TMEM273: variants seen among roughly 807,000 people sequenced by gnomAD.
The protein encoded by TMEM273 is chromosome 10 open reading frame 128.
In TMEM273, 19 loss-of-function variants were observed where a neutral mutation model predicts 17.9. The observed-to-expected ratio is 1.06, with a 90% CI of 0.74 to 1.55. TMEM273 has a LOEUF of 1.55. Among genes scored for constraint, TMEM273 ranks in the 40% most tolerant of loss-of-function variants. The pLI is 0.00. For synonymous variants in TMEM273, 66 were observed against 62.0 expected, an observed-to-expected ratio of 1.07 and a Z score of -0.31; for missense variants, 194 against 155.6, an observed-to-expected ratio of 1.25 and a Z score of -1.31.
At chr10:49,177,620 A>G (rs1469613990) in intron 1 of TMEM273, among the ~76,000 whole-genome samples, 1 of 152,180 alleles carries the variant, frequency 6.6e-6, no homozygotes. Context: ...GGCTCCGAGG[A>G]AGAGTCTCAC....
intron 5 of TMEM273, 43 bp downstream of exon 5, chr10:49,165,162 C>A: frequency 6.6e-7 from 1 of 1,513,286 alleles, no homozygotes; most frequent in South Asian, 1.3e-5. Flanking sequence ...TAAAGCCAAG[C>A]AAAGAGAAGA....
chr10:49,180,304 C>G (rs916855632), intron 1 of TMEM273, among the ~76,000 whole-genome samples: 1 of 152,176 alleles, frequency 6.6e-6, no homozygotes, highest in Non-Finnish European at 1.5e-5. Flanking sequence ...GAAGCCCACC[C>G]AAGCCCGAGG....
chr10:49,173,789 A>T (rs1339447800), intron 1 of TMEM273, among the ~76,000 whole-genome samples: 1 of 152,192 alleles, frequency 6.6e-6, no homozygotes, highest in Non-Finnish European at 1.5e-5. Flanking sequence ...TGGCTTGAAG[A>T]GATAAGATCT....
intron 6 of TMEM273, chr10:49,161,361 T>G: frequency 1.7e-6 from 1 of 590,648 alleles, no homozygotes; most frequent in Non-Finnish European, 3.0e-6. Context: ...TTTTCTCAGC[T>G]CTAACTGGGC....
intron 1 of TMEM273, among the ~76,000 whole-genome samples, chr10:49,174,737 GC>G (rs1388900259): frequency 6.6e-6 from 1 of 152,138 alleles, no homozygotes; most frequent in Non-Finnish European, 1.5e-5. Flanking sequence ...GACTCTGGGA[GC>G]TTTTAGACAA....
intron 1 of TMEM273, among the ~76,000 whole-genome samples, chr10:49,168,704 G>GGGA (rs1846358507): frequency 1.5e-5 from 2 of 133,936 alleles, no homozygotes; most frequent in Non-Finnish European, 3.2e-5. Flanking sequence ...GAGGGAGGGA[G>GGGA]GGAGGGAGGG....
At chr10:49,166,217 C>G (rs1252962427) in intron 3 of TMEM273, among the ~76,000 whole-genome samples, 1 of 152,150 alleles carries the variant, frequency 6.6e-6, no homozygotes, top group East Asian at 1.9e-4. Flanking sequence ...GAGGATGAGT[C>G]TGGGGATGAT....
intron 1 of TMEM273, among the ~76,000 whole-genome samples, chr10:49,181,299 T>C (rs1314409694): frequency 6.6e-6 from 1 of 152,218 alleles, no homozygotes; most frequent in African/African-American, 2.4e-5. Flanking sequence ...GATTGATCTA[T>C]AGGTTTAATG....
intron 3 of TMEM273, chr10:49,166,647 G>A: frequency 1.7e-6 from 1 of 602,210 alleles, no homozygotes; most frequent in Non-Finnish European, 2.9e-6. Flanking sequence ...GACAGAAAAA[G>A]GAACACAAAT....
chr10:49,179,497 A>G (rs1847206988), intron 1 of TMEM273, among the ~76,000 whole-genome samples: 1 of 152,270 alleles, frequency 6.6e-6, no homozygotes, highest in Non-Finnish European at 1.5e-5. Flanking sequence ...GCATTACTCC[A>G]AATCACCCAT....
chr10:49,167,801 C>T, intron 2 of TMEM273, 108 bp downstream of exon 2: 1 of 1,434,678 alleles, frequency 7.0e-7, no homozygotes, highest in South Asian at 1.2e-5. Flanking sequence ...TTTTCCTATG[C>T]TGACAGCAGG....
intron 1 of TMEM273, among the ~76,000 whole-genome samples, chr10:49,187,183 C>G (rs576082679): frequency 6.6e-6 from 1 of 152,180 alleles, no homozygotes; most frequent in Non-Finnish European, 1.5e-5. Context: ...ATCTAACCAC[C>G]GTGCACACCC....
chr10:49,159,689 A>G (rs1417583168), intron 6 of TMEM273, among the ~76,000 whole-genome samples: 2 of 151,906 alleles, frequency 1.3e-5, no homozygotes, highest in Non-Finnish European at 2.9e-5. Context: ...CACAGTAAAA[A>G]TTAAAATAAA....
At chr10:49,166,832 G>T (rs777012845) in intron 3 of TMEM273, 37 bp downstream of exon 3, 5 of 1,611,180 alleles carry the variant, frequency 3.1e-6, no homozygotes, top group African/African-American at 2.7e-5. Context: ...GCCTCGCTGG[G>T]TGGGGCAGAG....
chr10:49,161,968 C>T (rs1845873013), intron 5 of TMEM273, among the ~76,000 whole-genome samples: 1 of 152,190 alleles, frequency 6.6e-6, no homozygotes, highest in Admixed American at 6.5e-5. Flanking sequence ...TTGCCTCCCT[C>T]ACCCACTTGC....
In TMEM273 at chr10:49,161,600, T is replaced by A. The variant is rs773238590; in HGVS notation, c.371A>T (p.Lys124Met). ...CAAGTGATCACTCTTACAACTCACC[T>A]TTTGGAGAAATTGTGGTTTCGCCTG... is the stretch of plus-strand genomic sequence containing the variant. The part of the protein sequence containing the change: ...LFKAKPQFLQ[K>M]RCTGD Residue 124 changes from lysine (K) to methionine (M), a missense_variant and splice_region_variant, in exon 6 of 7, where the codon AAG becomes ATG. Physicochemically the swap from Lys to Met is moderately conservative, Grantham distance 95. Coordinates refer to ENST00000374153, the MANE Select transcript of TMEM273 (RefSeq NM_001288740.3). 1.1e-5 allele frequency: 18 copies of A among 1,614,248 alleles called. No homozygotes were observed. The South Asian group carries it at 2.0e-4, about 18-fold the overall frequency.
intron 6 of TMEM273, chr10:49,160,281 C>G (rs1370319924): frequency 6.6e-6 from 1 of 152,074 alleles, no homozygotes; most frequent in Non-Finnish European, 1.5e-5. Context: ...CTCCCTTAAC[C>G]AAGCAAACGA....
Position 49,183,152 on chromosome 10 carries a change from T to C in TMEM273, c.43+5142A>G, listed in dbSNP as rs183289182. On this transcript the variant is annotated intron_variant, in intron 1 of 6. Transcript: ENST00000374153. ...TGGCCTGGACACAAAACCAAGGCTA[T>C]AGAGGACTTTATTGGATCCTTTGAA... 2.4e-3 allele frequency among the ~76,000 whole-genome samples: 367 copies of C among 152,334 alleles called. 2 individuals are homozygous for C. The highest frequency in any genetic ancestry group is 2.7e-3 in the Non-Finnish European group (181 of 68,034).
At chr10:49,156,012 C>T in intron 6 of TMEM273, 103 bp from the exon 7 acceptor site, 3 of 1,602,458 alleles carry the variant, frequency 1.9e-6, no homozygotes, top group South Asian at 2.3e-5. Flanking sequence ...GGTATAAAAG[C>T]TCATCAGCAA....
Sources: allele counts gnomAD v4.1 joint callset (sites outside exome capture counted in the v4.1 genomes callset), GRCh38; gene constraint gnomAD v4.1.1; transcripts MANE v1.5; gene names NCBI Gene and HGNC (gene_info 2026-07-23, HGNC 2026-07-21).